KIAA1217: variants seen among roughly 807,000 people sequenced by gnomAD.
The protein encoded by KIAA1217 is sickle tail protein homolog.
In KIAA1217, 88 loss-of-function variants were observed where a neutral mutation model predicts 163.9. The ratio of observed to expected loss-of-function variants is 0.54; its 90% CI spans 0.45 to 0.64. KIAA1217 has a LOEUF of 0.64. Ranked by LOEUF, KIAA1217 falls within the 30% of genes least tolerant of loss-of-function variation. The pLI is 0.00. For synonymous variants in KIAA1217, 903 were observed against 923.1 expected (o/e 0.98, Z 0.39); for missense variants, 2,372 against 2,475.0 (o/e 0.96, Z 0.88).
intron 1 of KIAA1217, among the ~76,000 whole-genome samples, chr10:23,897,994 T>G (rs1841779672): frequency 3.3e-5 from 5 of 151,966 alleles, no homozygotes; most frequent in Non-Finnish European, 7.4e-5. Flanking sequence ...GACTTCTATT[T>G]TGGTTGAGGC....
intron 3 of KIAA1217, among the ~76,000 whole-genome samples, chr10:24,391,331 T>C (rs1007020023): frequency 4.5e-5 from 2 of 43,976 alleles, no homozygotes; most frequent in African/African-American, 4.0e-4. Flanking sequence ...CTTTCTTTCT[T>C]TCTTTTTTTT....
intron 2 of KIAA1217, among the ~76,000 whole-genome samples, chr10:24,050,577 CTTGT>C (rs1454362778): frequency 6.6e-6 from 1 of 152,062 alleles, no homozygotes; most frequent in East Asian, 1.9e-4. Context: ...TTTCCCATTG[CTTGT>C]TTGTGTCAGG....
At chr10:24,041,549 C>T (rs1725518927) in intron 2 of KIAA1217, among the ~76,000 whole-genome samples, 3 of 152,172 alleles carry the variant, frequency 2.0e-5, no homozygotes, top group African/African-American at 7.2e-5. Context: ...CATACATACA[C>T]ATCCCATAAC....
intron 2 of KIAA1217, among the ~76,000 whole-genome samples, chr10:24,351,833 G>A (rs560176109): frequency 2.6e-5 from 4 of 152,236 alleles, no homozygotes; most frequent in Admixed American, 6.5e-5. Flanking sequence ...TGCAGGGTGC[G>A]GCCAGCAGGT....
At chr10:24,399,555 G>A (rs1282335419) in intron 3 of KIAA1217, among the ~76,000 whole-genome samples, 1 of 152,128 alleles carries the variant, frequency 6.6e-6, no homozygotes, top group Non-Finnish European at 1.5e-5. Flanking sequence ...GGTTATCTTA[G>A]ATCCCATCTC....
chr10:24,174,466 C>T (rs906681976), intron 2 of KIAA1217, among the ~76,000 whole-genome samples: 8 of 152,184 alleles, frequency 5.3e-5, no homozygotes, highest in African/African-American at 1.9e-4. Context: ...CTTGAAACCC[C>T]ATTTCCTATC....
At chr10:24,399,031 C>G (rs914246202) in intron 3 of KIAA1217, among the ~76,000 whole-genome samples, 3 of 152,232 alleles carry the variant, frequency 2.0e-5, no homozygotes, top group African/African-American at 7.2e-5. Flanking sequence ...AGGGAGCCCT[C>G]TCCTGCCCCG....
chr10:23,770,334 A>G (rs1005431638), intron 1 of KIAA1217, among the ~76,000 whole-genome samples: 7 of 152,232 alleles, frequency 4.6e-5, no homozygotes, highest in African/African-American at 1.7e-4. Flanking sequence ...ATGAAACTTC[A>G]TGCTTGCTAT....
chr10:24,380,807 C>A, intron 2 of KIAA1217, 62 bp from the exon 3 acceptor site: 2 of 1,213,428 alleles, frequency 1.6e-6, no homozygotes, highest in Non-Finnish European at 2.3e-6. Context: ...TGGCATTGGA[C>A]ATATTTTCCA....
chr10:23,787,627 A>C (rs1835553128), intron 1 of KIAA1217, among the ~76,000 whole-genome samples: 1 of 152,178 alleles, frequency 6.6e-6, no homozygotes, highest in African/African-American at 2.4e-5. Flanking sequence ...CCACTGGAGG[A>C]GTATTGCTGG....
chr10:24,397,880 A>C (rs1591600224), intron 3 of KIAA1217, among the ~76,000 whole-genome samples: 1 of 152,140 alleles, frequency 6.6e-6, no homozygotes, highest in Admixed American at 6.5e-5. Flanking sequence ...CACTGAGTGT[A>C]CCCGGAAGCA....
In KIAA1217 at chr10:23,876,644, T is replaced by C. The variant is rs1038956266; in HGVS notation, c.-320-130581T>C. ...TGGGCCATACACACATCTTCTACAA[T>C]GCTAGACCAGTGTCCATGTTGCATG... On this transcript the variant is annotated intron_variant, in intron 1 of 18. Transcript: ENST00000376462. Among the ~76,000 whole-genome samples, 12 of 152,082 alleles carry C rather than the reference T, an allele frequency of 7.9e-5. 1 individual carries two copies. The highest frequency in any genetic ancestry group is 7.2e-4 in the Admixed American group (11 of 15,240).
intron 2 of KIAA1217, among the ~76,000 whole-genome samples, chr10:24,150,197 A>G (rs552033065): frequency 2.5e-4 from 38 of 152,162 alleles, no homozygotes; most frequent in African/African-American, 8.7e-4. Context: ...TTGTATTTTT[A>G]GTAGCGATGG....
At chr10:23,833,841 T>C (rs1838326576) in intron 1 of KIAA1217, among the ~76,000 whole-genome samples, 1 of 151,996 alleles carries the variant, frequency 6.6e-6, no homozygotes, top group African/African-American at 2.4e-5. Context: ...TGCCCTTTTA[T>C]TTTTAAATAT....
At position 23,925,054 on chromosome 10, in the gene KIAA1217, A is replaced by G. The variant is rs16924078; in HGVS notation, c.-320-82171A>G. ...AGAAAGGAAAATGTCTTTGAGGTGA[A>G]ATATCCCAAATTTTTAGTCCCAAAA... is the stretch of plus-strand genomic sequence containing the variant. On this transcript the variant is annotated intron_variant, in intron 1 of 18. Transcript: ENST00000376462. 7.9e-4 allele frequency among the ~76,000 whole-genome samples: 120 copies of G among 152,246 alleles called. 2 individuals carry two copies. In the East Asian group the frequency reaches 0.019, roughly 24 times the overall value.
chr10:24,094,293 C>A (rs570653071), intron 2 of KIAA1217, among the ~76,000 whole-genome samples: 2 of 152,178 alleles, frequency 1.3e-5, no homozygotes, highest in African/African-American at 4.8e-5. Flanking sequence ...CCTATTTCTC[C>A]ACATCCTCTC....
At chr10:23,873,427 T>C (rs1044922642) in intron 1 of KIAA1217, among the ~76,000 whole-genome samples, 8 of 152,050 alleles carry the variant, frequency 5.3e-5, no homozygotes, top group Non-Finnish European at 1.2e-4. Context: ...TCCATGAAAA[T>C]GCCAGATGAA....
chr10:24,492,094 C>T lies in KIAA1217; in HGVS notation c.1680-2406C>T, dbSNP rs543496069. Among the ~76,000 whole-genome samples, 128 of 152,332 alleles carry T rather than the reference C, an allele frequency of 8.4e-4. 2 individuals are homozygous for T. The South Asian group carries it at 9.5e-3, about 11-fold the overall frequency. ...AGAGTCCCTGTGGGACGAATGAGGA[C>T]ACTGGGCAACTTTCACCTGGGGCTG... On this transcript the variant is annotated intron_variant, in intron 6 of 20. Coordinates refer to ENST00000376454, the MANE Select transcript of KIAA1217 (RefSeq NM_019590.5).
At chr10:23,721,402 A>G (rs1490123828) in intron 1 of KIAA1217, among the ~76,000 whole-genome samples, 2 of 152,220 alleles carry the variant, frequency 1.3e-5, no homozygotes, top group Non-Finnish European at 2.9e-5. Flanking sequence ...TGCACAGTGT[A>G]TGGGTAAAAT....
Sources: gnomAD v4.1 joint callset for allele counts (sites outside exome capture counted in the v4.1 genomes callset) on GRCh38, gnomAD v4.1.1 for gene constraint, MANE v1.5 for transcripts, NCBI Gene and HGNC (gene_info 2026-07-23, HGNC 2026-07-21) for gene names.